The following RPS6KA2 variants were observed in gnomAD, a reference collection of about 807,000 sequenced individuals.
RPS6KA2 encodes the protein ribosomal protein S6 kinase alpha-2.
A neutral mutation model predicts 91.8 loss-of-function variants in RPS6KA2; 42 were observed. That is an observed-to-expected ratio of 0.46 (90% confidence interval 0.36 to 0.59). The LOEUF (loss-of-function observed/expected upper bound fraction) is 0.59, where lower values mean the gene tolerates loss of function less well. Among genes scored for constraint, RPS6KA2 ranks in the 20% least tolerant of loss-of-function variants. RPS6KA2 has a pLI of 0.00. For missense variants in RPS6KA2, 798 were observed against 978.5 expected (o/e 0.82, Z 2.46); for synonymous variants, 414 against 393.6 (o/e 1.05, Z -0.61).
At chr6:166,425,994 T>G (rs1778903286) in intron 16 of RPS6KA2, among the ~76,000 whole-genome samples, 1 of 151,102 alleles carries the variant, frequency 6.6e-6, no homozygotes, top group Admixed American at 6.6e-5. Context: ...ATCAACAGAA[T>G]ATACATTTTT....
intron 2 of RPS6KA2, among the ~76,000 whole-genome samples, chr6:166,536,499 A>T (rs948058573): frequency 6.6e-6 from 1 of 152,162 alleles, no homozygotes; most frequent in African/African-American, 2.4e-5. Flanking sequence ...GACAAATACA[A>T]TTTGTATCTG....
At chr6:166,795,166 A>G (rs147001977) in intron 2 of RPS6KA2, among the ~76,000 whole-genome samples, 117 of 152,324 alleles carry the variant, frequency 7.7e-4, no homozygotes, top group African/African-American at 2.8e-3. Context: ...TGTGGTATTA[A>G]TAAAGCAAAA....
At chr6:166,834,915 C>A (rs1162849490) in intron 2 of RPS6KA2, among the ~76,000 whole-genome samples, 3 of 151,890 alleles carry the variant, frequency 2.0e-5, no homozygotes, top group Non-Finnish European at 4.4e-5. Flanking sequence ...CCTAAACCAG[C>A]GATGATTTAT....
chr6:166,771,404 G>A (rs375756357), intron 2 of RPS6KA2, among the ~76,000 whole-genome samples: 1 of 152,274 alleles, frequency 6.6e-6, no homozygotes, highest in Admixed American at 6.5e-5. Flanking sequence ...GCTTGGTCCA[G>A]GGCTTAAACC....
intron 2 of RPS6KA2, among the ~76,000 whole-genome samples, chr6:166,772,880 A>G (rs1383198467): frequency 6.6e-6 from 1 of 152,202 alleles, no homozygotes; most frequent in Non-Finnish European, 1.5e-5. Flanking sequence ...CTTTGCAAAC[A>G]ACATTAAGAA....
chr6:166,513,721 A>ATT, intron 3 of RPS6KA2, among the ~76,000 whole-genome samples: 1 of 152,188 alleles, frequency 6.6e-6, no homozygotes. Context: ...GCTGAAGGAG[A>ATT]TTTAATGAGA....
At chr6:166,814,041 T>C (rs1172749185) in intron 2 of RPS6KA2, among the ~76,000 whole-genome samples, 3 of 152,210 alleles carry the variant, frequency 2.0e-5, no homozygotes, top group African/African-American at 7.2e-5. Context: ...CAACCCCATA[T>C]TGTTGGTACG....
In RPS6KA2 at chr6:166,627,242, C is replaced by T; in HGVS notation, c.-223G>A. On this transcript the variant is annotated 5_prime_UTR_variant, in exon 1 of 21. Transcript: ENST00000265678. ...CTCCCTCCGCCTCCTTCTCCGCCTC[C>T]CCTGCGAGTACCAGCGCCGGCCACG... 9.8e-7 allele frequency: 1 copy of T among 1,019,286 alleles called. No individual in the cohort carries two copies. The highest frequency in any genetic ancestry group is 1.2e-6 in the Non-Finnish European group (1 of 852,710). 63.1% of individuals were successfully genotyped at this position (1,019,286 alleles called of 1,614,324 possible). A position where few individuals can be genotyped will look rare whatever the true frequency, so the allele number is the denominator to read the frequency against.
At chr6:166,481,247 T>C (rs1197241676) in intron 10 of RPS6KA2, among the ~76,000 whole-genome samples, 1 of 152,260 alleles carries the variant, frequency 6.6e-6, no homozygotes, top group African/African-American at 2.4e-5. Flanking sequence ...TATAGGGAAT[T>C]TTCCTGAAAA....
chr6:166,659,787 C>T (rs956732185), intron 2 of RPS6KA2, among the ~76,000 whole-genome samples: 4 of 152,226 alleles, frequency 2.6e-5, no homozygotes, highest in Admixed American at 2.0e-4. Flanking sequence ...GCTCTAGCAC[C>T]GACTGCGGGA....
chr6:166,591,503 C>T (rs1284095254), intron 1 of RPS6KA2, among the ~76,000 whole-genome samples: 1 of 152,104 alleles, frequency 6.6e-6, no homozygotes, highest in Non-Finnish European at 1.5e-5. Flanking sequence ...TGGCCCTAAT[C>T]CAAGATGACT....
At chr6:166,547,906 C>T (rs1203004958) in intron 1 of RPS6KA2, among the ~76,000 whole-genome samples, 1 of 152,204 alleles carries the variant, frequency 6.6e-6, no homozygotes, top group Non-Finnish European at 1.5e-5. Flanking sequence ...ATAGGCATAA[C>T]GTGCACACCT....
At chr6:166,848,569 A>G (rs759665361) in intron 2 of RPS6KA2, among the ~76,000 whole-genome samples, 3 of 152,258 alleles carry the variant, frequency 2.0e-5, no homozygotes, top group Non-Finnish European at 4.4e-5. Context: ...AATACTACTC[A>G]GCCATAAAAA....
chr6:166,511,230 T>C (rs1410762402), intron 3 of RPS6KA2, among the ~76,000 whole-genome samples: 2 of 151,332 alleles, frequency 1.3e-5, no homozygotes, highest in African/African-American at 4.9e-5. Context: ...ATATCTGGCA[T>C]AGAGTGACCT....
At chr6:166,789,021 G>A (rs6932054) in intron 2 of RPS6KA2, among the ~76,000 whole-genome samples, 26 of 152,244 alleles carry the variant, frequency 1.7e-4, no homozygotes, top group African/African-American at 5.5e-4. Flanking sequence ...ACAGGACAGC[G>A]GGTGCAGCAT....
chr6:166,420,042 C>T, intron 17 of RPS6KA2, 84 bp from the exon 18 acceptor site: 1 of 1,329,226 alleles, frequency 7.5e-7, no homozygotes, highest in Non-Finnish European at 1.1e-6. Flanking sequence ...GCATCCTACG[C>T]CGGCAAGCTG....
At chr6:166,744,785 C>T (rs534863534) in intron 2 of RPS6KA2, among the ~76,000 whole-genome samples, 24 of 152,244 alleles carry the variant, frequency 1.6e-4, no homozygotes, top group Middle Eastern at 3.4e-3. Context: ...GGTGGGGTCG[C>T]GAGCCTGCAC....
chr6:166,625,080 C>G (rs1220645039), intron 1 of RPS6KA2, among the ~76,000 whole-genome samples: 2 of 152,148 alleles, frequency 1.3e-5, no homozygotes, highest in Admixed American at 1.3e-4. Context: ...AATCCGCCCG[C>G]CTTAGGCTCC....
intron 12 of RPS6KA2, among the ~76,000 whole-genome samples, chr6:166,454,917 GAAT>G (rs1182702005): frequency 6.7e-6 from 1 of 149,616 alleles, no homozygotes; most frequent in Non-Finnish European, 1.5e-5. Flanking sequence ...CACTAAAATA[GAAT>G]ACTATAATAC....
Sources: gnomAD v4.1 joint callset for allele counts (sites outside exome capture counted in the v4.1 genomes callset) on GRCh38, gnomAD v4.1.1 for gene constraint, MANE v1.5 for transcripts, NCBI Gene and HGNC (gene_info 2026-07-23, HGNC 2026-07-21) for gene names.